CDH12: variants seen among roughly 807,000 people sequenced by gnomAD.
The protein encoded by CDH12 is cadherin-12.
A neutral mutation model predicts 74.1 loss-of-function variants in CDH12; 41 were observed. That is an observed-to-expected ratio of 0.55 (90% CI 0.43 to 0.72). CDH12 has a LOEUF of 0.72. Ranked by LOEUF, CDH12 falls within the 30% of genes least tolerant of loss-of-function variation. CDH12 has a pLI of 0.00. For synonymous variants in CDH12, 399 were observed against 355.0 expected (o/e 1.12, Z -1.39); for missense variants, 945 against 977.2 (o/e 0.97, Z 0.44).
At chr5:22,020,961 T>C (rs1172776746) in intron 5 of CDH12, among the ~76,000 whole-genome samples, 3 of 152,188 alleles carry the variant, frequency 2.0e-5, no homozygotes, top group African/African-American at 7.2e-5. Flanking sequence ...TTTATTACTA[T>C]TTTAACATGC....
chr5:22,353,384 T>C (rs1265840113), intron 3 of CDH12, among the ~76,000 whole-genome samples: 2 of 152,300 alleles, frequency 1.3e-5, no homozygotes, highest in East Asian at 3.9e-4. Flanking sequence ...TTCCAACGTT[T>C]TCCCACATTT....
At chr5:21,834,251 CAT>C (rs1157366120) in intron 8 of CDH12, among the ~76,000 whole-genome samples, 2 of 151,758 alleles carry the variant, frequency 1.3e-5, no homozygotes, top group Admixed American at 6.6e-5. Flanking sequence ...ATTCATATAA[CAT>C]ATATATCTCA....
chr5:22,117,498 TATA>T (rs1745227968), intron 4 of CDH12, among the ~76,000 whole-genome samples: 6 of 75,342 alleles, frequency 8.0e-5, no homozygotes, highest in African/African-American at 3.7e-4. Context: ...ATTATATATA[TATA>T]ATATATATAT....
intron 3 of CDH12, among the ~76,000 whole-genome samples, chr5:22,397,831 A>G (rs182568969): frequency 5.9e-5 from 9 of 152,082 alleles, no homozygotes; most frequent in Admixed American, 3.3e-4. Flanking sequence ...ATCCAATATG[A>G]TTGATGCCCT....
intron 6 of CDH12, among the ~76,000 whole-genome samples, chr5:21,893,798 C>A (rs1752998832): frequency 6.6e-6 from 1 of 152,102 alleles, no homozygotes; most frequent in Non-Finnish European, 1.5e-5. Context: ...TATAAAGAAA[C>A]AAATTTGTAA....
chr5:22,586,429 T>C (rs1001334065), intron 1 of CDH12, among the ~76,000 whole-genome samples: 5 of 151,712 alleles, frequency 3.3e-5, no homozygotes, highest in Non-Finnish European at 5.9e-5. Context: ...ATGGCACATG[T>C]ATACATATGT....
intron 2 of CDH12, among the ~76,000 whole-genome samples, chr5:22,415,091 G>A (rs1381924088): frequency 2.0e-5 from 3 of 152,064 alleles, no homozygotes; most frequent in East Asian, 3.9e-4. Flanking sequence ...TAGCATGAAA[G>A]CAATACTAAA....
chr5:21,785,763 T>G (rs1241047428), intron 10 of CDH12, among the ~76,000 whole-genome samples: 1 of 152,144 alleles, frequency 6.6e-6, no homozygotes, highest in East Asian at 1.9e-4. Flanking sequence ...AGAAGTCATC[T>G]CCATAACATT....
chr5:22,625,255 T>C (rs1399947405), intron 1 of CDH12, among the ~76,000 whole-genome samples: 1 of 151,998 alleles, frequency 6.6e-6, no homozygotes, highest in Non-Finnish European at 1.5e-5. Context: ...TGTATACATA[T>C]ATAACAAACC....
At chr5:22,387,310 A>T (rs1404875113) in intron 3 of CDH12, among the ~76,000 whole-genome samples, 6 of 152,152 alleles carry the variant, frequency 3.9e-5, no homozygotes, top group African/African-American at 1.2e-4. Flanking sequence ...AATGTACATT[A>T]AAAAAGTAAT....
intron 1 of CDH12, among the ~76,000 whole-genome samples, chr5:22,702,503 G>A (rs1742768635): frequency 6.6e-6 from 1 of 152,074 alleles, no homozygotes; most frequent in South Asian, 2.1e-4. Flanking sequence ...TCCTAAGAAA[G>A]TCTCCTCTTC....
At chr5:22,646,110 C>G (rs1400599150) in intron 1 of CDH12, among the ~76,000 whole-genome samples, 2 of 151,510 alleles carry the variant, frequency 1.3e-5, no homozygotes, top group African/African-American at 4.8e-5. Flanking sequence ...AATAGGCTGC[C>G]CTACCAAAAA....
In CDH12 at chr5:22,805,406, G is replaced by A. The variant is rs192706208; in HGVS notation, c.-523+47652C>T. 5.2e-3 allele frequency among the ~76,000 whole-genome samples: 783 copies of A among 151,042 alleles called. 3 individuals carry two copies. The highest frequency in any genetic ancestry group is 0.01 in the Middle Eastern group (3 of 292). ...ATAAGAGTGAAATAAATACCTCAAG[G>A]AATTAAAAAAATAAGAATAATAATT... is the stretch of plus-strand genomic sequence containing the variant. On this transcript the variant is annotated intron_variant, in intron 1 of 14. Transcript: ENST00000382254.
chr5:21,777,698 C>T (rs1351098940), intron 11 of CDH12, among the ~76,000 whole-genome samples: 1 of 152,058 alleles, frequency 6.6e-6, no homozygotes, highest in Admixed American at 6.6e-5. Flanking sequence ...ACCATGTTGG[C>T]CAGGCTGGTC....
At chr5:22,179,462 A>G (rs1749519540) in intron 4 of CDH12, among the ~76,000 whole-genome samples, 1 of 152,186 alleles carries the variant, frequency 6.6e-6, no homozygotes, top group African/African-American at 2.4e-5. Context: ...TATTTTGCTC[A>G]TTATCGTAAA....
intron 4 of CDH12, among the ~76,000 whole-genome samples, chr5:22,174,003 C>A (rs141076336): frequency 0.035 from 5,388 of 151,966 alleles, 305 homozygotes; most frequent in African/African-American, 0.12. Flanking sequence ...TTCTGTGAAA[C>A]ACATTAGGTG....
At chr5:22,175,884 C>T (rs1206491832) in intron 4 of CDH12, among the ~76,000 whole-genome samples, 1 of 152,142 alleles carries the variant, frequency 6.6e-6, no homozygotes, top group African/African-American at 2.4e-5. Flanking sequence ...CTCCTTTTAA[C>T]TCGGCCACTT....
intron 1 of CDH12, among the ~76,000 whole-genome samples, chr5:22,739,206 T>C (rs1580944469): frequency 6.6e-6 from 1 of 152,026 alleles, no homozygotes; most frequent in African/African-American, 2.4e-5. Flanking sequence ...AAGACATACA[T>C]TCAATGTGTA....
At chr5:21,976,334 G>A (rs1445662414) in intron 5 of CDH12, among the ~76,000 whole-genome samples, 1 of 152,028 alleles carries the variant, frequency 6.6e-6, no homozygotes, top group Admixed American at 6.6e-5. Flanking sequence ...AAAGAGTAGA[G>A]AGAATTATCA....
Sources: allele counts gnomAD v4.1 joint callset (sites outside exome capture counted in the v4.1 genomes callset), GRCh38; gene constraint gnomAD v4.1.1; transcripts MANE v1.5; gene names NCBI Gene and HGNC (gene_info 2026-07-23, HGNC 2026-07-21).